SHISA6: variants seen among roughly 807,000 people sequenced by gnomAD.
SHISA6 encodes protein shisa-6.
A neutral mutation model predicts 47.9 loss-of-function variants in SHISA6; 22 were observed. That is an observed-to-expected ratio of 0.46 (90% confidence interval 0.33 to 0.66). The LOEUF (loss-of-function observed/expected upper bound fraction) is 0.66. Ranked by LOEUF, SHISA6 falls within the 30% of genes least tolerant of loss-of-function variation. The pLI is 0.02. For synonymous variants in SHISA6, 388 were observed against 337.8 expected (o/e 1.15, Z -1.63); for missense variants, 680 against 764.6 (o/e 0.89, Z 1.30).
chr17:11,414,751 T>C (rs1451020961), intron 3 of SHISA6, among the ~76,000 whole-genome samples: 2 of 152,164 alleles, frequency 1.3e-5, no homozygotes, highest in Non-Finnish European at 2.9e-5. Flanking sequence ...GGTATTTCAG[T>C]GACTATATAT....
intron 3 of SHISA6, among the ~76,000 whole-genome samples, chr17:11,409,356 A>G (rs796250892): frequency 2.6e-5 from 4 of 152,318 alleles, no homozygotes; most frequent in African/African-American, 9.6e-5. Context: ...ATAGAAGGTC[A>G]TCAAACTCAG....
intron 1 of SHISA6, among the ~76,000 whole-genome samples, chr17:11,245,670 C>T (rs1227561612): frequency 8.0e-6 from 1 of 124,814 alleles, no homozygotes; most frequent in African/African-American, 3.0e-5. Flanking sequence ...GCTGGAGACG[C>T]AGTTGGTGAA....
In SHISA6 at chr17:11,241,366, CGCCGGGGGAGCGGCCT is replaced by C; in HGVS notation, c.-52_-37del. On this transcript the variant is annotated 5_prime_UTR_variant, in exon 1 of 6. Coordinates refer to ENST00000441885, the MANE Select transcript of SHISA6 (RefSeq NM_207386.4). This position sits in a 1 kb window ranked among gnomAD's most constrained non-coding sequence, Gnocchi z 5.5. Reference sequence around the variant, plus strand: ...CGCGGCGGGTCCTCCGAGCCCGGCCCGCCGGGGGAGCGGCCTGCCGCGGAAGCCTCCCCGCGCCCTC... The same window carrying C: ...CGCGGCGGGTCCTCCGAGCCCGGCCCGCCGCGGAAGCCTCCCCGCGCCCTC... The C allele has an allele frequency of 9.9e-7, 1 of 1,009,970 alleles. No individual in the cohort carries two copies. Among genetic ancestry groups the C allele is most frequent in the Non-Finnish European group, 1.2e-6 (1 of 846,540 alleles). 62.6% of individuals were successfully genotyped at this position (1,009,970 alleles called of 1,614,324 possible).
At chr17:11,303,645 G>C (rs531640138) in intron 2 of SHISA6, among the ~76,000 whole-genome samples, 6 of 152,178 alleles carry the variant, frequency 3.9e-5, no homozygotes, top group Non-Finnish European at 8.8e-5. Flanking sequence ...AGCCTGGGGA[G>C]CCATCTCCAG....
chr17:11,258,324 C>T (rs775008470), intron 1 of SHISA6, among the ~76,000 whole-genome samples: 15 of 152,178 alleles, frequency 9.9e-5, no homozygotes, highest in Admixed American at 2.0e-4. Flanking sequence ...AATCCAGAGA[C>T]GTGGCAGAGG....
chr17:11,389,013 C>T (rs1274176183), intron 3 of SHISA6, among the ~76,000 whole-genome samples: 2 of 151,908 alleles, frequency 1.3e-5, no homozygotes, highest in Non-Finnish European at 2.9e-5. Flanking sequence ...GATGCTGTGA[C>T]TCCTCAGTAT....
intron 1 of SHISA6, among the ~76,000 whole-genome samples, chr17:11,257,018 A>G (rs746803002): frequency 4.3e-4 from 66 of 152,304 alleles, no homozygotes; most frequent in Admixed American, 5.2e-4. Context: ...ATGAATTTCA[A>G]TTGTGCTGGG....
At chr17:11,272,648 A>G (rs765544565) in intron 2 of SHISA6, among the ~76,000 whole-genome samples, 66 of 152,310 alleles carry the variant, frequency 4.3e-4, no homozygotes, top group Middle Eastern at 3.4e-3. Flanking sequence ...TGGTATCAGC[A>G]TAGCTCACCT....
intron 3 of SHISA6, among the ~76,000 whole-genome samples, chr17:11,424,981 TG>T (rs1914568750): frequency 8.1e-6 from 1 of 123,842 alleles, no homozygotes; most frequent in Non-Finnish European, 1.6e-5. Flanking sequence ...CACTCCAGCC[TG>T]AGCGACAGAG....
chr17:11,415,296 A>G (rs1914251135), intron 3 of SHISA6, among the ~76,000 whole-genome samples: 1 of 152,146 alleles, frequency 6.6e-6, no homozygotes, highest in African/African-American at 2.4e-5. Flanking sequence ...GAAGTTAGGG[A>G]TCTTCATTTG....
chr17:11,245,691 C>T (rs1160247451), intron 1 of SHISA6, among the ~76,000 whole-genome samples: 1 of 138,900 alleles, frequency 7.2e-6, no homozygotes, highest in Non-Finnish European at 1.5e-5. Context: ...ATCAGAGCTG[C>T]CCTGGGTCCT....
intron 2 of SHISA6, among the ~76,000 whole-genome samples, chr17:11,293,079 C>G (rs1399956695): frequency 6.6e-6 from 1 of 152,078 alleles, no homozygotes; most frequent in Admixed American, 6.6e-5. Flanking sequence ...GCTGCCTTGG[C>G]CTCCCAAAGT....
At chr17:11,395,955 G>A (rs568613664) in intron 3 of SHISA6, among the ~76,000 whole-genome samples, 3 of 152,144 alleles carry the variant, frequency 2.0e-5, no homozygotes, top group Non-Finnish European at 2.9e-5. Flanking sequence ...CCTCCAGAGC[G>A]TTTCCATTAA....
chr17:11,479,651 A>G (rs549204983), intron 3 of SHISA6, among the ~76,000 whole-genome samples: 2 of 152,032 alleles, frequency 1.3e-5, no homozygotes, highest in Admixed American at 1.3e-4. Context: ...AAGAAGAAAA[A>G]ATAATAATAA....
intron 2 of SHISA6, among the ~76,000 whole-genome samples, chr17:11,350,178 A>ATTTTTTTTTTTTTTTTTTTTTTT (rs199879665): frequency 9.9e-6 from 1 of 101,148 alleles, no homozygotes; most frequent in African/African-American, 3.9e-5. Context: ...TTATTTATTT[A>ATTTTTTTTTTTTTTTTTTTTTTT]TTTATTTTTT....
chr17:11,263,452 C>G lies in SHISA6; in HGVS notation c.725C>G (p.Pro242Arg). 1.1e-5 allele frequency: 17 copies of G among 1,551,832 alleles called. No individual in the cohort carries two copies. Among genetic ancestry groups the G allele is most frequent in the Non-Finnish European group, 1.5e-5 (17 of 1,147,040 alleles). Residue 242 changes from proline to arginine, a missense_variant, in exon 2 of 6, where the codon CCC becomes CGC. Physicochemically the swap from Pro to Arg is moderately radical, Grantham distance 103. This residue lies in a region of SHISA6 where 559 missense variants were observed against 674.1 expected (regional missense o/e 0.83). Transcript: ENST00000441885. ...ACTATCTCGGCTATCGATACCTCTC[C>G]CAAAGAGAACACGCCGGTCAGATCG... ...RETISAIDTSPKENTPVRSSS... is the reference protein window; with the variant it reads ...RETISAIDTSRKENTPVRSSS...
At chr17:11,402,558 C>T (rs7208665) in intron 3 of SHISA6, among the ~76,000 whole-genome samples, 7,681 of 152,222 alleles carry the variant, frequency 0.05, 576 homozygotes, top group African/African-American at 0.16. Context: ...TTTGTCCAAT[C>T]TAACTATTAA....
intron 2 of SHISA6, among the ~76,000 whole-genome samples, chr17:11,270,677 A>C (rs762552927): frequency 1.3e-5 from 2 of 152,226 alleles, no homozygotes; most frequent in East Asian, 3.9e-4. Context: ...AAATTTGGAC[A>C]TATGTTTCCA....
chr17:11,379,367 G>A (rs767079228), intron 2 of SHISA6, 47 bp from the exon 3 acceptor site: 1 of 1,352,844 alleles, frequency 7.4e-7, no homozygotes, highest in South Asian at 1.3e-5. Context: ...TGTCTTCCAT[G>A]TTGGTGTCGT....
Sources: allele counts gnomAD v4.1 joint callset (sites outside exome capture counted in the v4.1 genomes callset), GRCh38; gene constraint gnomAD v4.1.1; regional missense constraint gnomAD v4.1.1; non-coding constraint Gnocchi (gnomAD v3.1); transcripts MANE v1.5; gene names NCBI Gene and HGNC (gene_info 2026-07-23, HGNC 2026-07-21).